ARHGAP26: variants seen among roughly 807,000 people sequenced by gnomAD.
ARHGAP26 encodes the protein Rho GTPase activating protein 26.
In ARHGAP26, 38 loss-of-function variants were observed where a neutral mutation model predicts 104.8. The observed-to-expected ratio is 0.36, with a 90% CI of 0.28 to 0.48. The LOEUF (loss-of-function observed/expected upper bound fraction) is 0.48. Ranked by LOEUF, ARHGAP26 falls within the 20% of genes least tolerant of loss-of-function variation. The pLI is 0.99. For synonymous variants in ARHGAP26, 341 were observed against 340.0 expected, an observed-to-expected ratio of 1.00 and a Z score of -0.03; for missense variants, 704 against 947.9, an observed-to-expected ratio of 0.74 and a Z score of 3.38.
At position 142,770,647 on chromosome 5, in the gene ARHGAP26, T is replaced by TGGAGCCGGCGGCCGTCGGG. The variant is rs1332185392; in HGVS notation, c.-105_-87dup. ...GCGGAGTGAGCCAGCGCCACACCTG[T>TGGAGCCGGCGGCCGTCGGG]GGAGCCGGCGGCCGTCGGGGGAGCC... On this transcript the variant is annotated 5_prime_UTR_variant, in exon 1 of 23. Coordinates refer to ENST00000645722, the MANE Select transcript of ARHGAP26 (RefSeq NM_001135608.3). 2.5e-5 allele frequency: 19 copies of TGGAGCCGGCGGCCGTCGGG among 773,760 alleles called. No homozygotes were observed. Among genetic ancestry groups the TGGAGCCGGCGGCCGTCGGG allele is most frequent in the African/African-American group, 2.4e-4 (13 of 53,144 alleles). 47.9% of individuals were successfully genotyped at this position (773,760 alleles called of 1,614,324 possible).
chr5:142,912,690 G>GGA (rs1761984879), intron 9 of ARHGAP26, among the ~76,000 whole-genome samples: 1 of 152,150 alleles, frequency 6.6e-6, no homozygotes, highest in African/African-American at 2.4e-5. Context: ...GTGGTCTAAT[G>GGA]GAGAGAGAGA....
At chr5:142,951,858 TC>T (rs1401958567) in intron 11 of ARHGAP26, among the ~76,000 whole-genome samples, 1 of 152,200 alleles carries the variant, frequency 6.6e-6, no homozygotes, top group African/African-American at 2.4e-5. Context: ...CATCACAACT[TC>T]CACCAACTGG....
Position 143,224,196 on chromosome 5 carries a change from T to C in ARHGAP26, c.*1750T>C, listed in dbSNP as rs17100171. On this transcript the variant is annotated 3_prime_UTR_variant, in exon 23 of 23. Coordinates refer to ENST00000645722, the MANE Select transcript of ARHGAP26 (RefSeq NM_001135608.3). ...TTATATTTGATATTCTTTAAGTTAG[T>C]TGCTCACACACTTAGGCTTTGATTG... is the stretch of plus-strand genomic sequence containing the variant. 5.5e-3 allele frequency: 1,265 copies of C among 231,512 alleles called. 13 individuals are homozygous for C. The highest frequency in any genetic ancestry group is 0.026 in the African/African-American group (1,185 of 45,314). The allele number at this position is 231,512 out of a possible 1,614,324, so 14.3% of individuals were successfully genotyped here.
intron 12 of ARHGAP26, 62 bp downstream of exon 12, chr5:143,014,178 C>G (rs903097341): frequency 1.3e-6 from 2 of 1,587,698 alleles, no homozygotes; most frequent in Non-Finnish European, 8.6e-7. Flanking sequence ...TGAGAAGTTG[C>G]TACTCCAGGT....
At chr5:143,193,528 G>A (rs1424119941) in intron 20 of ARHGAP26, among the ~76,000 whole-genome samples, 1 of 152,134 alleles carries the variant, frequency 6.6e-6, no homozygotes, top group Admixed American at 6.5e-5. Context: ...GGGATTACAG[G>A]CGTGAGCCAC....
chr5:143,180,569 G>A (rs185130336), intron 20 of ARHGAP26, among the ~76,000 whole-genome samples: 4 of 152,248 alleles, frequency 2.6e-5, no homozygotes, highest in Admixed American at 6.5e-5. Context: ...TTACAGTTCC[G>A]CATGGCTGGG....
intron 19 of ARHGAP26, among the ~76,000 whole-genome samples, chr5:143,138,265 T>C (rs1364452971): frequency 6.6e-6 from 1 of 152,214 alleles, no homozygotes; most frequent in African/African-American, 2.4e-5. Flanking sequence ...AGGTCAGTTA[T>C]AAGACAGCAA....
chr5:142,885,980 A>C (rs1018356359), intron 5 of ARHGAP26, among the ~76,000 whole-genome samples: 12 of 152,102 alleles, frequency 7.9e-5, no homozygotes, highest in African/African-American at 2.9e-4. Flanking sequence ...CTGGGTTTGC[A>C]TGGTGTCTTT....
At chr5:143,087,137 C>G (rs1211113850) in intron 17 of ARHGAP26, among the ~76,000 whole-genome samples, 1 of 152,214 alleles carries the variant, frequency 6.6e-6, no homozygotes, top group African/African-American at 2.4e-5. Context: ...AGTGTAGTCA[C>G]TACCTCTTTA....
At chr5:142,885,485 A>G in intron 5 of ARHGAP26, 86 bp downstream of exon 5, 2 of 1,257,902 alleles carry the variant, frequency 1.6e-6, no homozygotes, top group Non-Finnish European at 2.2e-6. Flanking sequence ...TTGCTAGAAA[A>G]TCTTAGGGTT....
At chr5:143,021,636 A>G (rs1282493198) in intron 12 of ARHGAP26, among the ~76,000 whole-genome samples, 2 of 152,084 alleles carry the variant, frequency 1.3e-5, no homozygotes, top group African/African-American at 4.8e-5. Flanking sequence ...CTAAGCTTCC[A>G]TTTCCTCTTC....
At chr5:143,091,143 T>C (rs1458478863) in intron 17 of ARHGAP26, among the ~76,000 whole-genome samples, 1 of 152,228 alleles carries the variant, frequency 6.6e-6, no homozygotes, top group Non-Finnish European at 1.5e-5. Flanking sequence ...CCTGGGACTA[T>C]GGCCCACGAC....
intron 16 of ARHGAP26, among the ~76,000 whole-genome samples, chr5:143,057,095 C>T (rs1785936215): frequency 1.3e-5 from 2 of 152,214 alleles, no homozygotes; most frequent in Non-Finnish European, 2.9e-5. Context: ...ATTTAGGTTA[C>T]AAGTTGGCAG....
chr5:142,893,801 C>G (rs1422300794), intron 5 of ARHGAP26, among the ~76,000 whole-genome samples: 1 of 152,144 alleles, frequency 6.6e-6, no homozygotes, highest in Non-Finnish European at 1.5e-5. Context: ...GATGATATCT[C>G]ATTTTGATTT....
Position 143,048,983 on chromosome 5 carries a change from T to C in ARHGAP26, c.1286-5456T>C, listed in dbSNP as rs1331421702. ...AAAAACCTTAATTTTCCTTAAAATC[T>C]GTCATGCAAAGTGGAAACTCTTCTT... On this transcript the variant is annotated intron_variant, in intron 14 of 22. Transcript: ENST00000645722. Among the ~76,000 whole-genome samples the C allele has an allele frequency of 2.0e-5, 3 of 151,916 alleles. 1 individual carries two copies. Among genetic ancestry groups the C allele is most frequent in the Non-Finnish European group, 4.4e-5 (3 of 67,992 alleles).
chr5:142,905,741 A>G (rs74414101), intron 8 of ARHGAP26, among the ~76,000 whole-genome samples: 2,268 of 152,326 alleles, frequency 0.015, 64 homozygotes, highest in African/African-American at 0.052. Context: ...GGTTTTTGCC[A>G]TTAAAAGTAA....
intron 18 of ARHGAP26, among the ~76,000 whole-genome samples, chr5:143,127,696 G>A (rs1796880195): frequency 6.6e-6 from 1 of 152,160 alleles, no homozygotes; most frequent in South Asian, 2.1e-4. Flanking sequence ...AATCTGCCTT[G>A]ATCTGCTTTT....
intron 11 of ARHGAP26, among the ~76,000 whole-genome samples, chr5:142,978,849 C>T (rs1773515903): frequency 6.7e-6 from 1 of 150,154 alleles, no homozygotes; most frequent in African/African-American, 2.5e-5. Flanking sequence ...AGTCATGTCT[C>T]ACCAGTCAGC....
chr5:142,928,123 GTAAT>G (rs1273215205), intron 10 of ARHGAP26, among the ~76,000 whole-genome samples: 5 of 151,886 alleles, frequency 3.3e-5, no homozygotes, highest in Non-Finnish European at 7.4e-5. Flanking sequence ...TTAAATAAAA[GTAAT>G]TAAGTAATTA....
Sources: gnomAD v4.1 joint callset for allele counts (sites outside exome capture counted in the v4.1 genomes callset) on GRCh38, gnomAD v4.1.1 for gene constraint, MANE v1.5 for transcripts, NCBI Gene and HGNC (gene_info 2026-07-23, HGNC 2026-07-21) for gene names.